The following MTR variants were observed in gnomAD, a reference collection of about 807,000 sequenced individuals.
MTR encodes the protein methionine synthase.
In MTR, 84 loss-of-function variants were observed where a neutral mutation model predicts 154.8. That is an observed-to-expected ratio of 0.54 (90% CI 0.45 to 0.65). The LOEUF (loss-of-function observed/expected upper bound fraction) is 0.65. Ranked by LOEUF, MTR falls within the 30% of genes least tolerant of loss-of-function variation. The pLI, the probability that MTR is intolerant of heterozygous loss-of-function variation, is 0.00. For missense variants in MTR, 1,275 were observed against 1,570.2 expected, an observed-to-expected ratio of 0.81 and a Z score of 3.18; for synonymous variants, 554 against 553.9, an observed-to-expected ratio of 1.00 and a Z score of 0.00.
intron 28 of MTR, among the ~76,000 whole-genome samples, chr1:236,890,873 C>T (rs1666280401): frequency 6.6e-6 from 1 of 152,152 alleles, no homozygotes; most frequent in Non-Finnish European, 1.5e-5. Context: ...CTTTGGCTCT[C>T]TGCTTTTTGT....
At chr1:236,848,938 C>A (rs1663741943) in intron 15 of MTR, among the ~76,000 whole-genome samples, 1 of 152,190 alleles carries the variant, frequency 6.6e-6, no homozygotes, top group Non-Finnish European at 1.5e-5. Context: ...CGTGTCCCTA[C>A]CCCCTCATCT....
chr1:236,858,205 G>A (rs945056864), intron 18 of MTR, among the ~76,000 whole-genome samples: 3 of 152,170 alleles, frequency 2.0e-5, no homozygotes, highest in African/African-American at 7.2e-5. Flanking sequence ...ACGGTTCCAC[G>A]TGGCTGGGGA....
rs1258443823 is a variant in MTR at position 236,795,754 on chromosome 1, G to A, written c.34+17G>A. 4 of 1,613,996 alleles carry A rather than the reference G, an allele frequency of 2.5e-6. No individual in the cohort carries two copies. Among genetic ancestry groups the A allele is most frequent in the Non-Finnish European group, 8.5e-7 (1 of 1,180,036 alleles). ...CGCAACCCGGTAACGCTGCGACCCC[G>A]TCTGCGTGGTTGGGTTGTGTTTCTT... On this transcript the variant is annotated intron_variant, in intron 1 of 32. Coordinates refer to ENST00000366577, the MANE Select transcript of MTR (RefSeq NM_000254.3).
intron 3 of MTR, among the ~76,000 whole-genome samples, chr1:236,807,028 T>C (rs892197882): frequency 3.3e-5 from 5 of 152,222 alleles, no homozygotes; most frequent in East Asian, 1.9e-4. Context: ...ATTGTGAATA[T>C]GCAATGTTGC....
intron 15 of MTR, among the ~76,000 whole-genome samples, chr1:236,842,630 A>G (rs1416322418): frequency 1.3e-5 from 2 of 151,964 alleles, no homozygotes; most frequent in African/African-American, 2.4e-5. Flanking sequence ...AATGAAGCAA[A>G]TATCTTCAAA....
Position 236,874,835 on chromosome 1 carries a change from A to G in MTR, c.2583A>G (p.Ala861=). 1 of 1,613,906 alleles carries G rather than the reference A, an allele frequency of 6.2e-7. No individual in the cohort carries two copies. Among genetic ancestry groups the G allele is most frequent in the Non-Finnish European group, 8.5e-7 (1 of 1,179,872 alleles). ...AIRIPLLIGG[A]TTSKTHTAVK... ...GGATTCCATTGTTGATTGGAGGAGC[A>G]ACCACTTCAAAGTAAGTTATACTAA... Residue 861 remains alanine, a synonymous_variant, in exon 24 of 33, where the codon GCA becomes GCG. Transcript: ENST00000366577.
intron 18 of MTR, among the ~76,000 whole-genome samples, chr1:236,857,370 A>C (rs926933358): frequency 2.0e-5 from 3 of 152,220 alleles, no homozygotes; most frequent in Admixed American, 6.5e-5. Context: ...AGGACTATTA[A>C]AATATTCTCC....
Position 236,808,761 on chromosome 1 carries a change from A to C in MTR, c.397A>C (p.Thr133Pro). The C allele has an allele frequency of 6.2e-7, 1 of 1,614,008 alleles. No homozygotes were observed. The highest frequency in any genetic ancestry group is 1.1e-5 in the South Asian group (1 of 91,080). ...GGCCAGAAAAGCTGCCGAGGAGGTA[A>C]CTCTCCAGACAGGTAGGGAATGTTC... is the stretch of plus-strand genomic sequence containing the variant. ...GVARKAAEEVTLQTGIKRFVA... is the reference protein window; with the variant it reads ...GVARKAAEEVPLQTGIKRFVA... Residue 133 changes from threonine to proline, a missense_variant, in exon 4 of 33, where the codon ACT becomes CCT. Coordinates refer to ENST00000366577, the MANE Select transcript of MTR (RefSeq NM_000254.3).
chr1:236,854,274 C>T (rs946663332), intron 18 of MTR, among the ~76,000 whole-genome samples: 1 of 152,204 alleles, frequency 6.6e-6, no homozygotes, highest in African/African-American at 2.4e-5. Flanking sequence ...AGTTCAGACA[C>T]TGTGCCAACG....
In MTR at chr1:236,824,147, G is replaced by C. The variant is rs1382542964; in HGVS notation, c.793G>C (p.Ala265Pro). 2 of 1,614,050 alleles carry C rather than the reference G, an allele frequency of 1.2e-6. No individual in the cohort carries two copies. The highest frequency in any genetic ancestry group is 2.2e-5 in the South Asian group (2 of 91,084). Residue 265 changes from alanine to proline, a missense_variant, in exon 9 of 33, where the codon GCT (alanine) becomes CCT (proline). By Grantham distance (27) the Ala-to-Pro change is conservative. Coordinates refer to ENST00000366577, the MANE Select transcript of MTR (RefSeq NM_000254.3). ...CIGLNCALGA[A>P]EMRPFIEIIG... is the part of the protein sequence containing the mutation. The stretch of plus-strand genomic sequence containing the variant: ...TGGATTAAATTGTGCTTTGGGTGCA[G>C]CTGAAATGAGACCTTTTATTGAAAT...
chr1:236,878,544 C>T (rs936476675), intron 24 of MTR, among the ~76,000 whole-genome samples: 3 of 151,894 alleles, frequency 2.0e-5, no homozygotes, highest in Non-Finnish European at 2.9e-5. Context: ...TTGGTTTCCC[C>T]GGGCCACATT....
chr1:236,848,998 A>G (rs931859873), intron 15 of MTR, among the ~76,000 whole-genome samples: 3 of 152,182 alleles, frequency 2.0e-5, no homozygotes, highest in Admixed American at 2.0e-4. Context: ...ATTTTTCAAG[A>G]ACATTTTTCG....
chr1:236,806,078 C>A, intron 2 of MTR, 66 bp from the exon 3 acceptor site: 1 of 1,298,014 alleles, frequency 7.7e-7, no homozygotes, highest in Non-Finnish European at 1.1e-6. Flanking sequence ...AATGAAAGGG[C>A]ATGTTTATTC....
intron 19 of MTR, among the ~76,000 whole-genome samples, chr1:236,860,717 G>A (rs1367044977): frequency 6.6e-6 from 1 of 152,164 alleles, no homozygotes; most frequent in Admixed American, 6.5e-5. Context: ...TGGATTTTAT[G>A]CATTTGAACT....
Position 236,891,146 on chromosome 1 carries a change from G to C in MTR, c.3021G>C (p.Arg1007Ser). 2.5e-6 allele frequency: 4 copies of C among 1,614,170 alleles called. No individual in the cohort carries two copies. Among genetic ancestry groups the C allele is most frequent in the Non-Finnish European group, 2.5e-6 (3 of 1,180,026 alleles). The change falls in exon 29 of 33, where the codon AGG becomes AGC. Residue 1007 changes from arginine (R) to serine (S), a missense_variant. By Grantham distance (110) the Arg-to-Ser change is moderately radical. Transcript: ENST00000366577. ...FNDKTVGGEARKVYDDAHNML... is the reference protein window; with the variant it reads ...FNDKTVGGEASKVYDDAHNML... ...TTTTTCTAATAGGTGGAGAGGCCAG[G>C]AAGGTCTACGATGATGCCCACAATA...
At chr1:236,887,726 C>G (rs4659741) in intron 27 of MTR, among the ~76,000 whole-genome samples, 32,328 of 152,202 alleles carry the variant, frequency 0.21, 3,648 homozygotes, top group South Asian at 0.32. Flanking sequence ...AGGGCTGGCC[C>G]TCTGAAATAT....
At chr1:236,872,467 T>C (rs941051712) in intron 22 of MTR, among the ~76,000 whole-genome samples, 8 of 152,324 alleles carry the variant, frequency 5.3e-5, no homozygotes, top group African/African-American at 1.9e-4. Context: ...TGATCTTCCC[T>C]GTTGGCTTCC....
chr1:236,880,902 A>G (rs540707868), intron 25 of MTR, 66 bp downstream of exon 25: 1 of 1,423,484 alleles, frequency 7.0e-7, no homozygotes, highest in African/African-American at 1.4e-5. Flanking sequence ...GTAAGGGTTT[A>G]ACTTAAGATC....
chr1:236,881,302 C>G (rs1184553384), intron 25 of MTR, among the ~76,000 whole-genome samples: 1 of 152,176 alleles, frequency 6.6e-6, no homozygotes, highest in African/African-American at 2.4e-5. Flanking sequence ...TCTCTGTGAA[C>G]ATCATAAACA....
Sources: gnomAD v4.1 joint callset for allele counts (sites outside exome capture counted in the v4.1 genomes callset) on GRCh38, gnomAD v4.1.1 for gene constraint, MANE v1.5 for transcripts, NCBI Gene and HGNC (gene_info 2026-07-23, HGNC 2026-07-21) for gene names.